Variants in SART3 observed in about 807,000 individuals in gnomAD.
The protein encoded by SART3 is HIV-1 Tat-interacting protein of 110kDa.
Under a neutral mutation model 122.3 loss-of-function variants are expected in SART3, and 44 were observed. The ratio of observed to expected loss-of-function variants is 0.36; its 90% CI spans 0.28 to 0.46. The LOEUF is 0.46. Ranked by LOEUF, SART3 falls within the 20% of genes least tolerant of loss-of-function variation. The probability of loss-of-function intolerance (pLI) is 1.00; values close to 1 mark genes in which losing one functional copy is unlikely to be tolerated. For synonymous variants in SART3, 442 were observed against 454.0 expected (o/e 0.97, Z 0.34); for missense variants, 1,101 against 1,229.0 (o/e 0.90, Z 1.56).
chr12:108,536,489 T>C, intron 11 of SART3, 25 bp downstream of exon 11: 1 of 1,610,792 alleles, frequency 6.2e-7, no homozygotes, highest in East Asian at 2.2e-5. Flanking sequence ...TGGATGAAAG[T>C]GCTAGATGTG....
rs747481369 is a variant in SART3, at chr12:108,538,029, A to G, written c.1201+36T>C. On this transcript the variant is annotated intron_variant, in intron 8 of 18. Transcript: ENST00000546815. ...CGCTCTCTGTTTTTCACTTGGGACA[A>G]ATAGCTTAGAAGTTCTCCCACAAAA... The G allele has an allele frequency of 8.1e-6, 13 of 1,613,744 alleles. No homozygotes were observed. In the African/African-American group the frequency reaches 1.6e-4, roughly 20 times the overall value.
chr12:108,544,970 G>C (rs986237366), intron 4 of SART3, 169 bp downstream of exon 4: 4 of 759,538 alleles, frequency 5.3e-6, no homozygotes, highest in African/African-American at 1.7e-5. Context: ...TGCTAGAAGG[G>C]GTATAAAAAA....
chr12:108,540,074 A>T (rs1463978819), intron 6 of SART3, among the ~76,000 whole-genome samples: 1 of 152,242 alleles, frequency 6.6e-6, no homozygotes, highest in Non-Finnish European at 1.5e-5. Context: ...AGAGTCAAGA[A>T]GCCCAAAAAA....
Position 108,561,144 on chromosome 12 carries a change from G to C in SART3, c.11C>G (p.Ala4Gly). ...GGGTTCTGAAGCCGAGGTTTCGGCC[G>C]CAGTCGCCATCTTGCGCTTCTAATG... is the stretch of plus-strand genomic sequence containing the variant. MATAAETSASEPEA... is the reference protein window; with the variant it reads MATGAETSASEPEA... Residue 4 changes from alanine to glycine, a missense_variant, in exon 1 of 19, where the codon GCG (alanine) becomes GGG (glycine). This residue lies in a region of SART3 where 216 missense variants were observed against 148.9 expected (regional missense o/e 1.45). Transcript: ENST00000546815. 6.2e-7 allele frequency: 1 copy of C among 1,612,938 alleles called. No homozygotes were observed. The highest frequency in any genetic ancestry group is 1.7e-5 in the Admixed American group (1 of 60,000).
chr12:108,551,197 C>T (rs1167706836), intron 1 of SART3, among the ~76,000 whole-genome samples: 1 of 152,148 alleles, frequency 6.6e-6, no homozygotes, highest in East Asian at 1.9e-4. Context: ...ATATTAATAT[C>T]ACATAACGTA....
In SART3 at chr12:108,522,698, G is replaced by A. The variant is rs886608074; in HGVS notation, c.*759C>T. On this transcript the variant is annotated 3_prime_UTR_variant, in exon 19 of 19. Transcript: ENST00000546815. ...TTCAGCAAGAAGTTTTGAAGAGAAC[G>A]TCAGTTTAATAAAGCTAAATGGGGA... 16 of 152,396 alleles carry A rather than the reference G, an allele frequency of 1.0e-4. No individual in the cohort carries two copies. The highest frequency in any genetic ancestry group is 3.4e-4 in the African/African-American group (14 of 41,440). 9.4% of individuals were successfully genotyped at this position (152,396 alleles called of 1,614,324 possible).
chr12:108,553,052 G>A (rs543069779), intron 1 of SART3, among the ~76,000 whole-genome samples: 1 of 151,992 alleles, frequency 6.6e-6, no homozygotes, highest in Admixed American at 6.5e-5. Context: ...AATAATTTTT[G>A]ACAAACGCAA....
In SART3 at chr12:108,525,603, T is replaced by G; in HGVS notation, c.2377A>C (p.Arg793=). 6.2e-7 allele frequency: 1 copy of G among 1,614,042 alleles called. No individual in the cohort carries two copies. The highest frequency in any genetic ancestry group is 8.5e-7 in the Non-Finnish European group (1 of 1,179,932). ...TGTTTCTCTAGGGAAGTGCTGTACC[T>G]GAACACCTATAGGAAGAAGGAAGAC... ...KSKNPDFKVF[R]YSTSLEKHKL... Residue 793 remains arginine (R), a synonymous_variant, in exon 17 of 19, where the codon AGG becomes CGG. Coordinates refer to ENST00000546815, the MANE Select transcript of SART3 (RefSeq NM_014706.4).
intron 1 of SART3, among the ~76,000 whole-genome samples, chr12:108,551,408 CT>C (rs2030004461): frequency 6.6e-6 from 1 of 152,102 alleles, no homozygotes; most frequent in Admixed American, 6.5e-5. Flanking sequence ...CAACATCTCC[CT>C]TTTCAGCAAC....
chr12:108,527,596 GA>G (rs754350078), intron 15 of SART3, among the ~76,000 whole-genome samples: 12 of 152,140 alleles, frequency 7.9e-5, no homozygotes, highest in Non-Finnish European at 1.2e-4. Context: ...GCCAAACTGG[GA>G]GGCCAGTGGA....
At chr12:108,523,773 C>A in intron 18 of SART3, 139 bp from the exon 19 acceptor site, 1 of 804,914 alleles carries the variant, frequency 1.2e-6, no homozygotes, top group Admixed American at 2.4e-5. Context: ...TAATCCCTGC[C>A]TCCTTAATTC....
At chr12:108,557,557 C>A (rs894856674) in intron 1 of SART3, among the ~76,000 whole-genome samples, 2 of 152,204 alleles carry the variant, frequency 1.3e-5, no homozygotes, top group African/African-American at 4.8e-5. Context: ...ATGCGCCAAA[C>A]TGTGCCAGGC....
intron 9 of SART3, 131 bp from the exon 10 acceptor site, chr12:108,536,916 T>C (rs1014297901): frequency 4.7e-5 from 39 of 824,744 alleles, no homozygotes; most frequent in Non-Finnish European, 4.2e-5. Flanking sequence ...AGAAATAAAA[T>C]TGCCAATTCC....
chr12:108,524,293 T>G (rs921843809), intron 18 of SART3, 23 bp downstream of exon 18: 1 of 1,604,212 alleles, frequency 6.2e-7, no homozygotes, highest in Admixed American at 1.7e-5. Flanking sequence ...AAGTTTGCAC[T>G]AGTCTACCAT....
chr12:108,524,519 A>T lies in SART3; in HGVS notation c.2524-13T>A, dbSNP rs1872275792. On this transcript the variant is annotated splice_polypyrimidine_tract_variant and intron_variant, in intron 17 of 18. Transcript: ENST00000546815. ...CGTAGGCCAGGCCCTGGAAGAGGCA[A>T]GATCCAGAACCAAGTCAGATCCCGC... 3 of 1,613,930 alleles carry T rather than the reference A, an allele frequency of 1.9e-6. No individual in the cohort carries two copies. The African/African-American group carries it at 4.0e-5, about 22-fold the overall frequency.
intron 1 of SART3, among the ~76,000 whole-genome samples, chr12:108,550,721 G>A (rs10778644): frequency 0.74 from 112,709 of 152,040 alleles, 43,664 homozygotes; most frequent in East Asian, 0.92. Context: ...AAATTAGCTG[G>A]GTGTGGTGGC....
At chr12:108,555,905 C>A (rs1198623120) in intron 1 of SART3, among the ~76,000 whole-genome samples, 2 of 152,108 alleles carry the variant, frequency 1.3e-5, no homozygotes, top group Non-Finnish European at 1.5e-5. Context: ...ATTTGTCTTA[C>A]CAGATAGCAA....
chr12:108,524,331 GGCAAAA>G lies in SART3; in HGVS notation c.2693_2698del (p.Leu898_Leu899del). On this transcript the variant is annotated inframe_deletion, in exon 18 of 19. Coordinates refer to ENST00000546815, the MANE Select transcript of SART3 (RefSeq NM_014706.4). ...AAGCACTTACGCTCCGTATGTCTGC[GGCAAAA>G]GCATGGGGCCACCTGGTGCCTTCCT... The G allele has an allele frequency of 6.2e-7, 1 of 1,613,972 alleles. No homozygotes were observed. Among genetic ancestry groups the G allele is most frequent in the Middle Eastern group, 1.7e-4 (1 of 6,000 alleles).
chr12:108,551,695 T>C (rs1238905792), intron 1 of SART3, among the ~76,000 whole-genome samples: 2 of 152,148 alleles, frequency 1.3e-5, no homozygotes, highest in East Asian at 3.8e-4. Context: ...ACTGAAGCCA[T>C]ATCCTTGGCC....
Sources: allele counts gnomAD v4.1 joint callset (sites outside exome capture counted in the v4.1 genomes callset), GRCh38; gene constraint gnomAD v4.1.1; regional missense constraint gnomAD v4.1.1; transcripts MANE v1.5; gene names NCBI Gene and HGNC (gene_info 2026-07-23, HGNC 2026-07-21).